SLC35F4: variants seen among roughly 807,000 people sequenced by gnomAD.
SLC35F4 encodes solute carrier family 35 member F4.
SLC35F4 carries 24 observed loss-of-function variants against 44.2 expected under a neutral mutation model. The observed-to-expected ratio is 0.54, with a 90% CI of 0.39 to 0.76. SLC35F4 has a LOEUF of 0.76. Among genes scored for constraint, SLC35F4 ranks in the 30% least tolerant of loss-of-function variants. SLC35F4 has a pLI of 0.00. For missense variants in SLC35F4, 562 were observed against 586.1 expected (o/e 0.96, Z 0.42); for synonymous variants, 238 against 223.6 (o/e 1.06, Z -0.57).
In SLC35F4 at chr14:57,564,386, A is replaced by G. The variant is rs533833663; in HGVS notation, c.1217-10T>C. On this transcript the variant is annotated splice_polypyrimidine_tract_variant and intron_variant, in intron 7 of 7. Coordinates refer to ENST00000556826, the MANE Select transcript of SLC35F4 (RefSeq NM_001306087.2). ...TTTAGGAGATCCACAGCTAGGAAAG[A>G]AAAATCAAGTCAGTCATTTCCTATG... 6 of 1,597,078 alleles carry G rather than the reference A, an allele frequency of 3.8e-6. No individual in the cohort carries two copies. The Admixed American group carries it at 8.7e-5, about 23-fold the overall frequency.
chr14:57,604,556 A>G (rs1358603372), intron 1 of SLC35F4, among the ~76,000 whole-genome samples: 1 of 152,220 alleles, frequency 6.6e-6, no homozygotes, highest in African/African-American at 2.4e-5. Context: ...ATTCAATGCT[A>G]TTGCTATCAA....
intron 1 of SLC35F4, among the ~76,000 whole-genome samples, chr14:57,902,589 A>C (rs1566925606): frequency 6.6e-6 from 1 of 152,074 alleles, no homozygotes; most frequent in Non-Finnish European, 1.5e-5. Flanking sequence ...AAGAAGAAGA[A>C]GAAGAAATTC....
intron 1 of SLC35F4, among the ~76,000 whole-genome samples, chr14:57,948,040 G>C (rs1422601749): frequency 2.0e-5 from 3 of 151,790 alleles, no homozygotes; most frequent in Admixed American, 2.0e-4. Flanking sequence ...CTGGCTTTAT[G>C]GAATGATTTG....
At chr14:57,870,518 T>G (rs1005924701), upstream of SLC35F4, among the ~76,000 whole-genome samples, 2 of 152,216 alleles carry the variant, frequency 1.3e-5, no homozygotes, top group Admixed American at 1.3e-4. Flanking sequence ...ATCTTATAAC[T>G]GTGACTGGCA....
intron 1 of SLC35F4, among the ~76,000 whole-genome samples, chr14:57,653,568 A>C (rs1044618441): frequency 1.7e-4 from 26 of 152,190 alleles, no homozygotes; most frequent in African/African-American, 6.3e-4. Context: ...GGTCTTTGAC[A>C]TACTTTCTAT....
At chr14:57,609,139 T>C (rs1292608798) in intron 1 of SLC35F4, among the ~76,000 whole-genome samples, 2 of 152,176 alleles carry the variant, frequency 1.3e-5, no homozygotes, top group Non-Finnish European at 2.9e-5. Context: ...GACAGACATG[T>C]ATGCAGATGG....
intron 4 of SLC35F4, among the ~76,000 whole-genome samples, chr14:57,577,670 TA>T (rs1022518397): frequency 1.7e-4 from 26 of 149,026 alleles, no homozygotes; most frequent in East Asian, 2.0e-4. Context: ...AACCTTTTTT[TA>T]AAAAAAAAAA....
intron 1 of SLC35F4, among the ~76,000 whole-genome samples, chr14:57,937,574 G>GAGAAAAGAAAAGAAAGAAA (rs1889823156): frequency 1.1e-5 from 1 of 89,102 alleles, no homozygotes; most frequent in Admixed American, 1.4e-4. Context: ...GAAAAGAAAA[G>GAGAAAAGAAAAGAAAGAAA]AGAAAAGAAA....
chr14:57,764,371 AT>A (rs750301271), intron 1 of SLC35F4, among the ~76,000 whole-genome samples: 1 of 152,206 alleles, frequency 6.6e-6, no homozygotes, highest in Non-Finnish European at 1.5e-5. Context: ...CCCAAACACT[AT>A]GCTGCAAGCA....
At chr14:57,688,907 C>G (rs1311936835) in intron 1 of SLC35F4, among the ~76,000 whole-genome samples, 1 of 152,142 alleles carries the variant, frequency 6.6e-6, no homozygotes, top group Non-Finnish European at 1.5e-5. Flanking sequence ...CTGGTTAAAA[C>G]AGTGCTGTGG....
chr14:57,758,002 T>TGTGTGTGA (rs2077036306), intron 1 of SLC35F4, among the ~76,000 whole-genome samples: 1 of 25,302 alleles, frequency 4.0e-5, no homozygotes, highest in African/African-American at 2.1e-4. Flanking sequence ...TATAGGTTCA[T>TGTGTGTGA]GTGTGTGTGT....
At chr14:57,722,684 C>A (rs2140441290) in intron 1 of SLC35F4, among the ~76,000 whole-genome samples, 1 of 152,286 alleles carries the variant, frequency 6.6e-6, no homozygotes, top group African/African-American at 2.4e-5. Flanking sequence ...TCAGAATAGT[C>A]TGACTTCTGT....
intron 1 of SLC35F4, among the ~76,000 whole-genome samples, chr14:57,723,509 G>A (rs956230292): frequency 2.6e-5 from 4 of 152,218 alleles, no homozygotes; most frequent in African/African-American, 7.2e-5. Flanking sequence ...AATGACAGTG[G>A]GTTATCGTAG....
At chr14:57,613,909 G>C (rs1020679253) in intron 1 of SLC35F4, among the ~76,000 whole-genome samples, 9 of 152,198 alleles carry the variant, frequency 5.9e-5, no homozygotes, top group African/African-American at 2.2e-4. Context: ...TGTAATGTAT[G>C]TTTGTGTTAT....
At chr14:57,739,930 G>A (rs2076562944) in intron 1 of SLC35F4, among the ~76,000 whole-genome samples, 1 of 152,126 alleles carries the variant, frequency 6.6e-6, no homozygotes, top group South Asian at 2.1e-4. Flanking sequence ...TGTGATCTTG[G>A]CTCACCGAAA....
At chr14:57,738,912 G>A (rs1440946818) in intron 1 of SLC35F4, among the ~76,000 whole-genome samples, 2 of 150,890 alleles carry the variant, frequency 1.3e-5, no homozygotes, top group Non-Finnish European at 3.0e-5. Context: ...TGTGATTCAG[G>A]AGAAATCTAG....
intron 3 of SLC35F4, among the ~76,000 whole-genome samples, chr14:57,587,840 G>T (rs540785697): frequency 7.2e-5 from 6 of 83,642 alleles, no homozygotes; most frequent in African/African-American, 2.7e-4. Context: ...AAGGCCAAAT[G>T]AATAAAGAAT....
At position 57,865,819 on chromosome 14, in the gene SLC35F4, C is replaced by T; in HGVS notation, c.7G>A (p.Val3Ile). 1 of 1,517,188 alleles carries T rather than the reference C, an allele frequency of 6.6e-7. No homozygotes were observed. The highest frequency in any genetic ancestry group is 2.5e-5 in the East Asian group (1 of 39,304). 94.0% of individuals were successfully genotyped at this position (1,517,188 alleles called of 1,614,324 possible). The stretch of plus-strand genomic sequence containing the variant: ...GCCACCCCGTTGGGGGCCGCCTTGA[C>T]ATCCATAGAGAGCGCGGGGCGACGG... Reference protein sequence around the residue: MDVKAAPNGVATI... With the variant: MDIKAAPNGVATI... Residue 3 changes from valine (V) to isoleucine (I), a missense_variant, in exon 1 of 8, where the codon GTC (valine) becomes ATC (isoleucine). Coordinates refer to ENST00000556826, the MANE Select transcript of SLC35F4 (RefSeq NM_001306087.2).
intron 1 of SLC35F4, among the ~76,000 whole-genome samples, chr14:57,811,943 C>T (rs928207499): frequency 6.6e-6 from 1 of 152,160 alleles, no homozygotes; most frequent in Non-Finnish European, 1.5e-5. Context: ...GATCATGCCA[C>T]TGCACTCCAG....
Sources: gnomAD v4.1 joint callset for allele counts (sites outside exome capture counted in the v4.1 genomes callset) on GRCh38, gnomAD v4.1.1 for gene constraint, MANE v1.5 for transcripts, NCBI Gene and HGNC (gene_info 2026-07-23, HGNC 2026-07-21) for gene names.